The following MORF4L1 variants were observed in gnomAD, a reference collection of about 807,000 sequenced individuals.
MORF4L1 encodes mortality factor 4-like protein 1.
In MORF4L1, 4 loss-of-function variants were observed where a neutral mutation model predicts 52.9. The observed-to-expected ratio is 0.08, with a 90% CI of 0.04 to 0.17. The LOEUF (loss-of-function observed/expected upper bound fraction) is 0.17, where lower values mean the gene tolerates loss of function less well. Among genes scored for constraint, MORF4L1 ranks in the 10% least tolerant of loss-of-function variants. The pLI is 1.00. For synonymous variants in MORF4L1, 123 were observed against 134.8 expected, an observed-to-expected ratio of 0.91 and a Z score of 0.61; for missense variants, 214 against 390.4, an observed-to-expected ratio of 0.55 and a Z score of 3.81.
At chr15:78,895,728 T>A (rs2141488946) in intron 11 of MORF4L1, among the ~76,000 whole-genome samples, 1 of 152,308 alleles carries the variant, frequency 6.6e-6, no homozygotes, top group Non-Finnish European at 1.5e-5. Context: ...TAATACTGGG[T>A]TATTTCTTGG....
intron 1 of MORF4L1, among the ~76,000 whole-genome samples, chr15:78,877,524 C>G (rs1423903518): frequency 6.6e-6 from 1 of 152,188 alleles, no homozygotes; most frequent in East Asian, 1.9e-4. Context: ...TGTGCAAAAT[C>G]TTTCAAGCTA....
chr15:78,889,423 C>A (rs539194753), intron 5 of MORF4L1, among the ~76,000 whole-genome samples: 2 of 152,262 alleles, frequency 1.3e-5, no homozygotes, highest in South Asian at 4.1e-4. Context: ...TGAGCATTTC[C>A]TTTGAATGTC....
chr15:78,875,377 G>A (rs1188683929), intron 1 of MORF4L1, among the ~76,000 whole-genome samples: 2 of 152,194 alleles, frequency 1.3e-5, no homozygotes, highest in Non-Finnish European at 2.9e-5. Context: ...CCCAGGTAAG[G>A]GTTTGAAAGC....
At chr15:78,891,650 A>G in intron 7 of MORF4L1, 78 bp downstream of exon 7, 1 of 1,170,900 alleles carries the variant, frequency 8.5e-7, no homozygotes, top group South Asian at 1.4e-5. Context: ...GGGAGCTTTG[A>G]TTATCTACAA....
intron 5 of MORF4L1, 177 bp from the exon 6 acceptor site, chr15:78,890,812 G>C: frequency 2.0e-6 from 1 of 510,328 alleles, no homozygotes; most frequent in Non-Finnish European, 3.0e-6. Flanking sequence ...TGTGGAGAGA[G>C]ATGGGAATTT....
At chr15:78,887,022 A>T (rs543482565) in intron 4 of MORF4L1, among the ~76,000 whole-genome samples, 1 of 152,152 alleles carries the variant, frequency 6.6e-6, no homozygotes, top group East Asian at 1.9e-4. Flanking sequence ...AGTGAATTCC[A>T]AAACAAATGG....
intron 2 of MORF4L1, among the ~76,000 whole-genome samples, chr15:78,878,792 C>G (rs910616216): frequency 6.6e-6 from 1 of 151,944 alleles, no homozygotes; most frequent in African/African-American, 2.4e-5. Flanking sequence ...AGAATGCATT[C>G]CAAAGTAAAA....
intron 3 of MORF4L1, chr15:78,885,116 AT>A: frequency 6.6e-7 from 1 of 1,503,838 alleles, no homozygotes; most frequent in Non-Finnish European, 9.2e-7. Flanking sequence ...TCTCTAGGAA[AT>A]CATGTTCAGG....
intron 3 of MORF4L1, 56 bp downstream of exon 3, chr15:78,880,635 G>A (rs2056584457): frequency 2.3e-6 from 3 of 1,314,690 alleles, no homozygotes; most frequent in East Asian, 2.4e-5. Context: ...TTGTGTCACT[G>A]ACTGGCTTAG....
intron 3 of MORF4L1, among the ~76,000 whole-genome samples, chr15:78,882,343 CTAATAATGATAGGTAATATT>C (rs11267766): frequency 0.046 from 7,055 of 152,124 alleles, 634 homozygotes; most frequent in East Asian, 0.37. Context: ...ACATGTATTT[CTAATAATGATAGGTAATATT>C]TAATAATGAT....
At chr15:78,880,474 A>T (rs201668612) in intron 2 of MORF4L1, 38 bp from the exon 3 acceptor site, 13 of 1,502,732 alleles carry the variant, frequency 8.7e-6, no homozygotes, top group Middle Eastern at 2.3e-4. Flanking sequence ...TCTTTAAAAA[A>T]TTTCTAAGTG....
chr15:78,873,969 A>G (rs2056427053), intron 1 of MORF4L1: 1 of 152,216 alleles, frequency 6.6e-6, no homozygotes, highest in South Asian at 2.1e-4. Flanking sequence ...TAATTGTTTG[A>G]TTAGTTGCAG....
At chr15:78,884,215 CAA>C (rs963713553) in intron 3 of MORF4L1, among the ~76,000 whole-genome samples, 5 of 124,284 alleles carry the variant, frequency 4.0e-5, no homozygotes, top group Admixed American at 7.9e-5. Context: ...AAAAAAAAAA[CAA>C]AAAGCTGAAA....
intron 2 of MORF4L1, 125 bp from the exon 3 acceptor site, chr15:78,880,387 G>A: frequency 6.0e-6 from 4 of 668,250 alleles, no homozygotes; most frequent in South Asian, 1.8e-5. Context: ...TACAAGCTTA[G>A]TGTTCTTAGT....
At chr15:78,891,063 T>G in intron 6 of MORF4L1, 49 bp downstream of exon 6, 11 of 1,453,352 alleles carry the variant, frequency 7.6e-6, no homozygotes, top group Non-Finnish European at 1.0e-5. Context: ...CTCTATGACA[T>G]TGACGTTTTT....
chr15:78,875,314 TC>T (rs2056464173), intron 1 of MORF4L1, among the ~76,000 whole-genome samples: 1 of 152,170 alleles, frequency 6.6e-6, no homozygotes, highest in South Asian at 2.1e-4. Flanking sequence ...AGCAGAGATT[TC>T]CTTGTGCCGT....
intron 9 of MORF4L1, 52 bp downstream of exon 9, chr15:78,893,679 C>G (rs2056838141): frequency 1.6e-6 from 2 of 1,240,144 alleles, no homozygotes; most frequent in Non-Finnish European, 2.3e-6. Context: ...AAAAAAGTTT[C>G]TAAATAAGTC....
intron 5 of MORF4L1, among the ~76,000 whole-genome samples, chr15:78,888,687 A>G (rs529440006): frequency 6.6e-6 from 1 of 152,252 alleles, no homozygotes; most frequent in South Asian, 2.1e-4. Flanking sequence ...GGCTGCAGTG[A>G]TCTGTGATTG....
chr15:78,875,488 G>A lies in MORF4L1; in HGVS notation c.40+2431G>A, dbSNP rs77524213. On this transcript the variant is annotated intron_variant, in intron 1 of 11. Coordinates refer to ENST00000426013, the MANE Select transcript of MORF4L1 (RefSeq NM_006791.4). ...CACGTTTTAAAAATGATTTTAGTGG[G>A]TGGGGCACGGTGGCTCACGCCTCTA... 0.027 allele frequency among the ~76,000 whole-genome samples: 4,106 copies of A among 152,282 alleles called. 523 individuals are homozygous for A. In the East Asian group the frequency reaches 0.38, roughly 14 times the overall value.
Sources: gnomAD v4.1 joint callset for allele counts (sites outside exome capture counted in the v4.1 genomes callset) on GRCh38, gnomAD v4.1.1 for gene constraint, MANE v1.5 for transcripts, NCBI Gene and HGNC (gene_info 2026-07-23, HGNC 2026-07-21) for gene names.